ARHGEF7: variants seen among roughly 807,000 people sequenced by gnomAD.
ARHGEF7 encodes the protein PAK-interacting exchange factor beta.
ARHGEF7 carries 33 observed loss-of-function variants against 109.8 expected under a neutral mutation model. The observed-to-expected ratio is 0.30, with a 90% confidence interval of 0.23 to 0.40. The LOEUF is 0.40. Among genes scored for constraint, ARHGEF7 ranks in the 10% least tolerant of loss-of-function variants. The probability of loss-of-function intolerance (pLI) is 1.00; values close to 1 mark genes in which losing one functional copy is unlikely to be tolerated. For missense variants in ARHGEF7, 938 were observed against 1,098.5 expected (o/e 0.85, Z 2.07); for synonymous variants, 458 against 424.6 (o/e 1.08, Z -0.97).
At chr13:111,138,994 A>T (rs979155458) in intron 1 of ARHGEF7, among the ~76,000 whole-genome samples, 49 of 152,352 alleles carry the variant, frequency 3.2e-4, no homozygotes, top group African/African-American at 1.2e-3. Flanking sequence ...AGCCATCATG[A>T]AAAGGGCTCA....
Position 111,169,411 on chromosome 13 carries a change from C to G in ARHGEF7, c.252+15420C>G, listed in dbSNP as rs529511575. ...ATCGTGGTGGAAGGCAAAGGGGAAGCAGGCTCGTCTTAACTGGCCGGAGCA... is the reference window on the plus strand; with the variant it reads ...ATCGTGGTGGAAGGCAAAGGGGAAGGAGGCTCGTCTTAACTGGCCGGAGCA... On this transcript the variant is annotated intron_variant, in intron 2 of 21. Transcript: ENST00000646102. Among the ~76,000 whole-genome samples the G allele has an allele frequency of 5.9e-5, 9 of 152,244 alleles. No individual in the cohort carries two copies. The South Asian group carries it at 1.2e-3, about 21-fold the overall frequency.
chr13:111,132,907 T>TAC (rs749877892), intron 1 of ARHGEF7, among the ~76,000 whole-genome samples: 2 of 151,776 alleles, frequency 1.3e-5, no homozygotes, highest in Admixed American at 1.3e-4. Flanking sequence ...GAGAATGATA[T>TAC]ACACACACAC....
intron 1 of ARHGEF7, 117 bp from the exon 2 acceptor site, chr13:111,153,788 G>A: frequency 7.2e-7 from 1 of 1,385,746 alleles, no homozygotes; most frequent in Non-Finnish European, 9.3e-7. Flanking sequence ...GCCGTCGGGG[G>A]CCGCTCGCCA....
chr13:111,286,006 A>G (rs1237048804), intron 16 of ARHGEF7, 141 bp from the exon 17 acceptor site: 1 of 622,426 alleles, frequency 1.6e-6, no homozygotes, highest in Non-Finnish European at 2.8e-6. Flanking sequence ...GTAAAGAAAA[A>G]TCAAAGTAGG....
chr13:111,215,900 T>C (rs1188389186), intron 4 of ARHGEF7, among the ~76,000 whole-genome samples: 1 of 151,684 alleles, frequency 6.6e-6, no homozygotes, highest in Non-Finnish European at 1.5e-5. Flanking sequence ...CTCTTTCTTT[T>C]CAGTTTTTTT....
chr13:111,183,471 CAG>C (rs1367957742), intron 2 of ARHGEF7, among the ~76,000 whole-genome samples: 1 of 152,122 alleles, frequency 6.6e-6, no homozygotes, highest in African/African-American at 2.4e-5. Flanking sequence ...GGTCTACCCT[CAG>C]GTCTCACACC....
At chr13:111,178,267 G>A (rs896173342) in intron 2 of ARHGEF7, among the ~76,000 whole-genome samples, 1 of 152,140 alleles carries the variant, frequency 6.6e-6, no homozygotes, top group African/African-American at 2.4e-5. Flanking sequence ...GAGAGAACAG[G>A]TTCCCAGTGA....
intron 9 of ARHGEF7, among the ~76,000 whole-genome samples, chr13:111,268,315 C>G (rs1299403965): frequency 6.6e-6 from 1 of 151,998 alleles, no homozygotes; most frequent in African/African-American, 2.4e-5. Flanking sequence ...AGCTCAGAGG[C>G]TCACTTTCTG....
chr13:111,283,371 C>T lies in ARHGEF7; in HGVS notation c.1950+8C>T, dbSNP rs2092872507. The T allele has an allele frequency of 6.5e-7, 1 of 1,539,862 alleles. No individual in the cohort carries two copies. The highest frequency in any genetic ancestry group is 1.4e-5 in the African/African-American group (1 of 73,096). On this transcript the variant is annotated splice_region_variant and intron_variant, in intron 16 of 21. Coordinates refer to ENST00000646102, the MANE Select transcript of ARHGEF7 (RefSeq NM_001354046.2). ...GCTCTCTGCTACAAGGAGGTGAGGT[C>T]CCTTGACCACTCAAACAGCCAGATG...
chr13:111,187,795 C>T (rs574611641), intron 2 of ARHGEF7, among the ~76,000 whole-genome samples: 1 of 152,150 alleles, frequency 6.6e-6, no homozygotes, highest in African/African-American at 2.4e-5. Context: ...TTCTGTGACC[C>T]GTTTCTTTGT....
intron 2 of ARHGEF7, among the ~76,000 whole-genome samples, chr13:111,202,841 C>G (rs867289233): frequency 6.6e-6 from 1 of 152,190 alleles, no homozygotes; most frequent in Non-Finnish European, 1.5e-5. Context: ...GCACTTCAAT[C>G]GAAACATTTT....
chr13:111,170,943 G>T, intron 2 of ARHGEF7, among the ~76,000 whole-genome samples: 1 of 152,190 alleles, frequency 6.6e-6, no homozygotes, highest in East Asian at 1.9e-4. Context: ...ATTTTTAAAA[G>T]CATTTTATCC....
At chr13:111,275,439 A>G (rs1036595542) in intron 11 of ARHGEF7, 93 bp from the exon 12 acceptor site, 6 of 1,360,428 alleles carry the variant, frequency 4.4e-6, no homozygotes, top group South Asian at 1.2e-5. Flanking sequence ...ATATAAAGCA[A>G]TAATTGTCTT....
At position 111,283,182 on chromosome 13, in the gene ARHGEF7, G is replaced by A; in HGVS notation, c.1769G>A (p.Ser590Asn). Residue 590 changes from serine (S) to asparagine (N), a missense_variant, in exon 16 of 22, where the codon AGC becomes AAC. By Grantham distance (46) the Ser-to-Asn change is conservative. Coordinates refer to ENST00000646102, the MANE Select transcript of ARHGEF7 (RefSeq NM_001354046.2). ...PVTPSSKHAD[S>N]KPAPLTPAYH... ...ACTCCGTCCAGCAAGCACGCAGACAGCAAGCCCGCGCCGCTGACGCCCGCC... is the reference window on the plus strand; with the variant it reads ...ACTCCGTCCAGCAAGCACGCAGACAACAAGCCCGCGCCGCTGACGCCCGCC... 6.3e-7 allele frequency: 1 copy of A among 1,596,482 alleles called. No individual in the cohort carries two copies. Among genetic ancestry groups the A allele is most frequent in the Middle Eastern group, 1.7e-4 (1 of 6,038 alleles).
intron 1 of ARHGEF7, among the ~76,000 whole-genome samples, chr13:111,139,302 T>C (rs2075235365): frequency 6.6e-6 from 1 of 152,118 alleles, no homozygotes; most frequent in South Asian, 2.1e-4. Flanking sequence ...ACAGCAGGAT[T>C]CTTCCCTTCC....
In ARHGEF7 at chr13:111,275,579, C is replaced by A. The variant is rs763098711; in HGVS notation, c.1320C>A (p.Ile440=). 50 of 1,614,012 alleles carry A rather than the reference C, an allele frequency of 3.1e-5. No individual in the cohort carries two copies. The highest frequency in any genetic ancestry group is 1.9e-5 in the Non-Finnish European group (22 of 1,180,038). ...VRKRKELELQ[I]LTEAIRNWEG... ...AGAGGAAAGAGCTTGAGCTGCAGAT[C>A]CTGACGGAAGCCATCCGGAACTGGG... The change falls in exon 12 of 22, where the codon ATC becomes ATA. Residue 440 remains isoleucine (I), a synonymous_variant. Transcript: ENST00000646102.
At chr13:111,188,938 G>T (rs374158492) in intron 2 of ARHGEF7, among the ~76,000 whole-genome samples, 27 of 152,278 alleles carry the variant, frequency 1.8e-4, no homozygotes, top group African/African-American at 6.5e-4. Context: ...AGATGATGGC[G>T]TATTAATAAA....
chr13:111,288,508 T>C, intron 18 of ARHGEF7, 65 bp downstream of exon 18: 1 of 1,329,894 alleles, frequency 7.5e-7, no homozygotes, highest in Non-Finnish European at 1.1e-6. Flanking sequence ...AATTACAGTC[T>C]GAAGGAACCT....
In ARHGEF7 at chr13:111,115,672, TC is replaced by T; in HGVS notation, c.150del (p.Thr52ProfsTer16). ...VVLCRLLERLLPGTIEKVYPE... is the reference protein window; with the variant it reads ...VVLCRLLERLXPGTIEKVYPE... ...CTCTGCAGGCTGCTGGAGCGCCTGC[TC>T]CCCGGGACCATCGAGAAAGTAAGTC... On this transcript the variant is annotated frameshift_variant, in exon 1 of 22. Coordinates refer to ENST00000646102, the MANE Select transcript of ARHGEF7 (RefSeq NM_001354046.2). LOFTEE classifies it high-confidence loss of function. 2.3e-6 allele frequency: 3 copies of T among 1,279,784 alleles called. No homozygotes were observed. The highest frequency in any genetic ancestry group is 2.1e-5 in the South Asian group (1 of 47,556). The allele number at this position is 1,279,784 out of a possible 1,614,324, so 79.3% of individuals were successfully genotyped here. A position where few individuals can be genotyped will look rare whatever the true frequency, so the allele number is the denominator to read the frequency against.
Sources: allele counts gnomAD v4.1 joint callset (sites outside exome capture counted in the v4.1 genomes callset), GRCh38; gene constraint gnomAD v4.1.1; transcripts MANE v1.5; gene names NCBI Gene and HGNC (gene_info 2026-07-23, HGNC 2026-07-21).